Variants in COL23A1 observed in about 807,000 individuals in gnomAD.
COL23A1 encodes the protein collagen type XXIII alpha 1 chain.
In COL23A1, 97 loss-of-function variants were observed where a neutral mutation model predicts 99.3. The observed-to-expected ratio is 0.98, with a 90% CI of 0.83 to 1.16. The LOEUF (loss-of-function observed/expected upper bound fraction) is 1.16, where lower values mean the gene tolerates loss of function less well. COL23A1 is among the 50% of genes most tolerant of loss of function. The pLI, the probability that COL23A1 is intolerant of heterozygous loss-of-function variation, is 0.00. For missense variants in COL23A1, 762 were observed against 757.4 expected, an observed-to-expected ratio of 1.01 and a Z score of -0.07; for synonymous variants, 320 against 308.2, an observed-to-expected ratio of 1.04 and a Z score of -0.40.
chr5:178,294,327 A>C (rs1757624352), intron 3 of COL23A1, among the ~76,000 whole-genome samples: 1 of 50,160 alleles, frequency 2.0e-5, no homozygotes, highest in Non-Finnish European at 5.4e-5. Context: ...TCCCCAAATC[A>C]CTACCGAGCT....
chr5:178,382,700 G>T (rs111910342), intron 2 of COL23A1, among the ~76,000 whole-genome samples: 2 of 152,200 alleles, frequency 1.3e-5, no homozygotes, highest in African/African-American at 4.8e-5. Context: ...AGCCCCAGAG[G>T]GGTATGACAT....
chr5:178,516,293 G>A (rs891176034), intron 2 of COL23A1, among the ~76,000 whole-genome samples: 1 of 152,196 alleles, frequency 6.6e-6, no homozygotes, highest in African/African-American at 2.4e-5. Context: ...CCCAGAGGCT[G>A]AGCAGGCTGG....
At chr5:178,257,163 C>T (rs976328643) in intron 13 of COL23A1, among the ~76,000 whole-genome samples, 6 of 152,158 alleles carry the variant, frequency 3.9e-5, no homozygotes, top group African/African-American at 1.4e-4. Flanking sequence ...TGGGGCAGCG[C>T]AGGGGCTCAA....
intron 1 of COL23A1, among the ~76,000 whole-genome samples, chr5:178,573,846 T>C (rs1581664352): frequency 7.0e-6 from 1 of 143,334 alleles, no homozygotes; most frequent in East Asian, 2.0e-4. Context: ...AGACATACCA[T>C]ACCATAGGGT....
At chr5:178,524,041 G>A (rs1164336130) in intron 2 of COL23A1, among the ~76,000 whole-genome samples, 2 of 152,182 alleles carry the variant, frequency 1.3e-5, no homozygotes, top group Non-Finnish European at 2.9e-5. Flanking sequence ...TGTGTCATAC[G>A]GGAGGGTCTC....
At chr5:178,552,609 C>T (rs1289711377) in intron 2 of COL23A1, among the ~76,000 whole-genome samples, 2 of 151,742 alleles carry the variant, frequency 1.3e-5, no homozygotes, top group East Asian at 3.9e-4. Flanking sequence ...GGTGGCTCAC[C>T]CCTGTAATCC....
intron 1 of COL23A1, among the ~76,000 whole-genome samples, chr5:178,571,698 C>G (rs1387445031): frequency 1.3e-5 from 2 of 152,156 alleles, no homozygotes; most frequent in Non-Finnish European, 2.9e-5. Context: ...GGAATTAGCA[C>G]ACAAAGACAT....
intron 2 of COL23A1, among the ~76,000 whole-genome samples, chr5:178,376,414 C>A (rs1763075031): frequency 6.6e-6 from 1 of 152,210 alleles, no homozygotes; most frequent in African/African-American, 2.4e-5. Flanking sequence ...AGGTGACCTG[C>A]CCCAGGGACC....
At chr5:178,505,904 A>G (rs190817061) in intron 2 of COL23A1, among the ~76,000 whole-genome samples, 75 of 152,152 alleles carry the variant, frequency 4.9e-4, no homozygotes, top group African/African-American at 1.8e-3. Flanking sequence ...ACACCTTCTG[A>G]GACAGCAGAC....
intron 2 of COL23A1, among the ~76,000 whole-genome samples, chr5:178,405,677 A>G (rs183557255): frequency 6.6e-5 from 10 of 152,386 alleles, no homozygotes; most frequent in Admixed American, 6.5e-4. Flanking sequence ...GCCAAGAGAA[A>G]GGAAAGAAAG....
intron 1 of COL23A1, among the ~76,000 whole-genome samples, chr5:178,580,416 T>C (rs561471698): frequency 1.3e-5 from 2 of 149,038 alleles, no homozygotes; most frequent in African/African-American, 4.9e-5. Flanking sequence ...GTTTCTCCTA[T>C]AGCCTCTAGA....
chr5:178,547,453 G>A (rs1401518638), intron 2 of COL23A1, among the ~76,000 whole-genome samples: 2 of 136,952 alleles, frequency 1.5e-5, no homozygotes, highest in Non-Finnish European at 3.1e-5. Flanking sequence ...ATGCATGCAC[G>A]TGTGGGCACA....
chr5:178,345,094 T>C (rs1020233985), intron 2 of COL23A1: 32 of 591,634 alleles, frequency 5.4e-5, no homozygotes, highest in African/African-American at 5.2e-4. Flanking sequence ...CTCTTCCTGG[T>C]AATTGGCACG....
chr5:178,273,335 G>A (rs1174338532), intron 5 of COL23A1, among the ~76,000 whole-genome samples: 1 of 152,264 alleles, frequency 6.6e-6, no homozygotes, highest in Admixed American at 6.5e-5. Context: ...GCTGCCCTCT[G>A]TCAAGCTAGG....
intron 2 of COL23A1, among the ~76,000 whole-genome samples, chr5:178,518,890 C>G (rs1370777744): frequency 6.7e-6 from 1 of 149,212 alleles, no homozygotes; most frequent in Non-Finnish European, 1.5e-5. Flanking sequence ...ACTGAGACAG[C>G]TCCGCTGCCC....
chr5:178,393,498 T>G (rs564753519), intron 2 of COL23A1, among the ~76,000 whole-genome samples: 38 of 152,326 alleles, frequency 2.5e-4, no homozygotes, highest in Non-Finnish European at 4.3e-4. Context: ...ACTGTACACT[T>G]AAAAATGGTT....
intron 1 of COL23A1, among the ~76,000 whole-genome samples, chr5:178,569,639 G>A (rs1762991334): frequency 6.6e-6 from 1 of 152,218 alleles, no homozygotes; most frequent in Admixed American, 6.5e-5. Flanking sequence ...CATAACTGCA[G>A]TTGGTCTCTG....
intron 2 of COL23A1, among the ~76,000 whole-genome samples, chr5:178,430,993 A>ATGGTGGAGGAAGG (rs1766232114): frequency 6.6e-6 from 1 of 151,924 alleles, no homozygotes; most frequent in Non-Finnish European, 1.5e-5. Flanking sequence ...GTGGAGGAAG[A>ATGGTGGAGGAAGG]GATGCCAGAG....
At chr5:178,552,742 T>G (rs1182073035) in intron 2 of COL23A1, among the ~76,000 whole-genome samples, 3 of 148,698 alleles carry the variant, frequency 2.0e-5, no homozygotes, top group Non-Finnish European at 4.5e-5. Context: ...TCAGACAGAG[T>G]CTCACTCTGT....
Sources: allele counts gnomAD v4.1 joint callset (sites outside exome capture counted in the v4.1 genomes callset), GRCh38; gene constraint gnomAD v4.1.1; transcripts MANE v1.5; gene names NCBI Gene and HGNC (gene_info 2026-07-23, HGNC 2026-07-21).